The following NMNAT2 variants were observed in gnomAD, a reference collection of about 807,000 sequenced individuals.
The protein encoded by NMNAT2 is nicotinamide/nicotinic acid mononucleotide adenylyltransferase 2.
NMNAT2 carries 11 observed loss-of-function variants against 41.6 expected under a neutral mutation model. That is an observed-to-expected ratio of 0.26 (90% confidence interval 0.17 to 0.44). The LOEUF is 0.44. NMNAT2 is among the 20% of genes least tolerant of loss of function. The probability of loss-of-function intolerance (pLI) is 1.00; values close to 1 mark genes in which losing one functional copy is unlikely to be tolerated. For missense variants in NMNAT2, 288 were observed against 407.7 expected (o/e 0.71, Z 2.53); for synonymous variants, 148 against 151.2 (o/e 0.98, Z 0.16).
intron 1 of NMNAT2, among the ~76,000 whole-genome samples, chr1:183,407,943 T>C (rs988980849): frequency 1.3e-5 from 2 of 152,206 alleles, no homozygotes; most frequent in African/African-American, 4.8e-5. Flanking sequence ...TGAATCAATG[T>C]CCACTGTAAA....
At position 183,379,050 on chromosome 1, in the gene NMNAT2, A is replaced by T. The variant is rs1663740050; in HGVS notation, c.85+39133T>A. Among the ~76,000 whole-genome samples, 3 of 73,732 alleles carry T rather than the reference A, an allele frequency of 4.1e-5. No individual in the cohort carries two copies. The South Asian group carries it at 1.5e-3, about 37-fold the overall frequency. The allele number at this position is 73,732 out of a possible 152,430, so 48.4% of individuals were successfully genotyped here. A position where few individuals can be genotyped will look rare whatever the true frequency, so the allele number is the denominator to read the frequency against. On this transcript the variant is annotated intron_variant, in intron 1 of 10. Coordinates refer to ENST00000287713, the MANE Select transcript of NMNAT2 (RefSeq NM_015039.4). ...AGAGTGAGACTCTGTCTCAAAAAAT[A>T]TCTATATCTATATCTATATCTATAT...
intron 1 of NMNAT2, among the ~76,000 whole-genome samples, chr1:183,393,569 A>G (rs1198241602): frequency 1.3e-5 from 2 of 151,908 alleles, no homozygotes; most frequent in Non-Finnish European, 2.9e-5. Context: ...CTATTTATTT[A>G]TTTAGAGACG....
intron 1 of NMNAT2, among the ~76,000 whole-genome samples, chr1:183,412,656 G>C (rs1437496238): frequency 6.6e-6 from 1 of 152,258 alleles, no homozygotes; most frequent in African/African-American, 2.4e-5. Context: ...TGTAGATGGA[G>C]AGAGGTTGTT....
chr1:183,349,886 C>T (rs1475691335), intron 1 of NMNAT2, among the ~76,000 whole-genome samples: 1 of 152,148 alleles, frequency 6.6e-6, no homozygotes, highest in Non-Finnish European at 1.5e-5. Context: ...AAGGAAAGCT[C>T]AGGAGCCATC....
intron 1 of NMNAT2, among the ~76,000 whole-genome samples, chr1:183,407,048 A>G (rs534822203): frequency 2.6e-5 from 4 of 151,696 alleles, no homozygotes; most frequent in African/African-American, 9.7e-5. Flanking sequence ...CGAACTCCTG[A>G]CCTCGTGATC....
intron 1 of NMNAT2, among the ~76,000 whole-genome samples, chr1:183,303,865 A>ATACAGGCTAGT (rs765477861): frequency 2.6e-5 from 4 of 152,224 alleles, no homozygotes; most frequent in Non-Finnish European, 4.4e-5. Flanking sequence ...CTCCCAATAA[A>ATACAGGCTAGT]TACAGGCTAG....
At chr1:183,285,178 A>G (rs1490994640) in intron 5 of NMNAT2, among the ~76,000 whole-genome samples, 1 of 152,200 alleles carries the variant, frequency 6.6e-6, no homozygotes, top group Admixed American at 6.5e-5. Flanking sequence ...TCATGTTTTA[A>G]ATGTGTATTA....
At chr1:183,382,000 C>A (rs1663811584) in intron 1 of NMNAT2, among the ~76,000 whole-genome samples, 1 of 152,214 alleles carries the variant, frequency 6.6e-6, no homozygotes, top group Non-Finnish European at 1.5e-5. Context: ...TTACTCTGTG[C>A]ATTAGTCCAT....
chr1:183,392,924 A>T (rs1648523845), intron 1 of NMNAT2, among the ~76,000 whole-genome samples: 1 of 152,076 alleles, frequency 6.6e-6, no homozygotes, highest in Admixed American at 6.6e-5. Flanking sequence ...TGTAACCCTA[A>T]CATACTACAT....
intron 1 of NMNAT2, among the ~76,000 whole-genome samples, chr1:183,399,063 G>C (rs1648734270): frequency 6.6e-6 from 1 of 152,256 alleles, no homozygotes; most frequent in African/African-American, 2.4e-5. Context: ...ACTAAGATCA[G>C]AGCAGAACTG....
chr1:183,285,425 A>G (rs1661377210), intron 5 of NMNAT2, among the ~76,000 whole-genome samples: 1 of 152,182 alleles, frequency 6.6e-6, no homozygotes, highest in Non-Finnish European at 1.5e-5. Flanking sequence ...GGTCTTCAGA[A>G]TCATCAGACA....
intron 8 of NMNAT2, among the ~76,000 whole-genome samples, chr1:183,275,346 T>C (rs1389987522): frequency 3.9e-5 from 6 of 152,164 alleles, no homozygotes; most frequent in African/African-American, 1.4e-4. Context: ...AATTTTTCCC[T>C]GTCTCAGACT....
At chr1:183,286,531 T>G in intron 5 of NMNAT2, 131 bp downstream of exon 5, 1 of 704,494 alleles carries the variant, frequency 1.4e-6, no homozygotes, top group Non-Finnish European at 2.3e-6. Context: ...AGCACCTTAT[T>G]AAAAATACAA....
chr1:183,341,725 C>CAAAAAAA lies in NMNAT2; in HGVS notation c.86-47939_86-47933dup, dbSNP rs762935303. Among the ~76,000 whole-genome samples the CAAAAAAA allele has an allele frequency of 3.8e-3, 85 of 22,212 alleles. 3 individuals carry two copies. The highest frequency in any genetic ancestry group is 0.011 in the African/African-American group (67 of 6,240). The allele number at this position is 22,212 out of a possible 152,430, so 14.6% of individuals were successfully genotyped here. A position where few individuals can be genotyped will look rare whatever the true frequency, so the allele number is the denominator to read the frequency against. ...GAGGAAAAGACAAACAAACAAACAC[C>CAAAAAAA]AAAAAAAAAAAAAAAAAAAAAACCT... On this transcript the variant is annotated intron_variant, in intron 1 of 10. Coordinates refer to ENST00000287713, the MANE Select transcript of NMNAT2 (RefSeq NM_015039.4).
At chr1:183,312,535 T>A (rs927583128) in intron 1 of NMNAT2, among the ~76,000 whole-genome samples, 1 of 150,490 alleles carries the variant, frequency 6.6e-6, no homozygotes, top group Non-Finnish European at 1.5e-5. Flanking sequence ...TTATTACTTT[T>A]AAAACTATTT....
chr1:183,350,911 T>A lies in NMNAT2; in HGVS notation c.86-57118A>T, dbSNP rs77091488. Among the ~76,000 whole-genome samples, 1,480 of 152,300 alleles carry A rather than the reference T, an allele frequency of 9.7e-3. 18 individuals are homozygous for A. Among genetic ancestry groups the A allele is most frequent in the African/African-American group, 0.034 (1,413 of 41,558 alleles). The stretch of plus-strand genomic sequence containing the variant: ...GGATTTGCTCCACGAGCTAGTTCAC[T>A]GAGTTCAACATGTATTTGAAGGAAA... On this transcript the variant is annotated intron_variant, in intron 1 of 10. Coordinates refer to ENST00000287713, the MANE Select transcript of NMNAT2 (RefSeq NM_015039.4).
intron 1 of NMNAT2, among the ~76,000 whole-genome samples, chr1:183,399,719 C>T (rs1465549150): frequency 4.6e-5 from 7 of 152,214 alleles, no homozygotes; most frequent in East Asian, 1.9e-4. Flanking sequence ...CCACCATGAT[C>T]AAGTTGGCTT....
At chr1:183,368,555 T>G (rs1663463184) in intron 1 of NMNAT2, among the ~76,000 whole-genome samples, 1 of 152,152 alleles carries the variant, frequency 6.6e-6, no homozygotes, top group African/African-American at 2.4e-5. Context: ...CTTACAAGGG[T>G]GCTAATTCTG....
At chr1:183,339,849 A>T (rs1361406835) in intron 1 of NMNAT2, among the ~76,000 whole-genome samples, 1 of 152,140 alleles carries the variant, frequency 6.6e-6, no homozygotes, top group Non-Finnish European at 1.5e-5. Context: ...TGAAGGAGCT[A>T]TGTCTGCCTC....
Sources: gnomAD v4.1 joint callset for allele counts (sites outside exome capture counted in the v4.1 genomes callset) on GRCh38, gnomAD v4.1.1 for gene constraint, MANE v1.5 for transcripts, NCBI Gene and HGNC (gene_info 2026-07-23, HGNC 2026-07-21) for gene names.